PPP1R37: variants seen among roughly 807,000 people sequenced by gnomAD.
PPP1R37 encodes the protein leucine rich repeat containing 68.
In PPP1R37, 21 loss-of-function variants were observed where a neutral mutation model predicts 61.0. The observed-to-expected ratio is 0.34, with a 90% CI of 0.24 to 0.50. The LOEUF is 0.50. PPP1R37 is among the 20% of genes least tolerant of loss of function. The probability of loss-of-function intolerance (pLI) is 0.98; values close to 1 mark genes in which losing one functional copy is unlikely to be tolerated. For missense variants in PPP1R37, 910 were observed against 952.7 expected (o/e 0.96, Z 0.59); for synonymous variants, 443 against 433.5 (o/e 1.02, Z -0.27).
At chr19:45,112,996 T>G (rs1350648950) in intron 1 of PPP1R37, among the ~76,000 whole-genome samples, 3 of 152,192 alleles carry the variant, frequency 2.0e-5, no homozygotes, top group Non-Finnish European at 4.4e-5. Flanking sequence ...CAAGATTCCT[T>G]TACCTGTGCT....
intron 1 of PPP1R37, among the ~76,000 whole-genome samples, chr19:45,106,080 T>C (rs1443749685): frequency 6.6e-6 from 1 of 152,118 alleles, no homozygotes; most frequent in Non-Finnish European, 1.5e-5. Flanking sequence ...GCTTACTGCC[T>C]TCCAGTGCAG....
intron 2 of PPP1R37, 100 bp from the exon 3 acceptor site, chr19:45,140,136 C>T: frequency 9.1e-7 from 1 of 1,096,186 alleles, no homozygotes; most frequent in Non-Finnish European, 1.3e-6. Context: ...CAAACCCCAC[C>T]CCAGAACCCT....
Position 45,138,623 on chromosome 19 carries a change from ACAGGGTGGGT to A in PPP1R37, c.300+13_300+22del. 5 of 1,300,992 alleles carry A rather than the reference ACAGGGTGGGT, an allele frequency of 3.8e-6. No individual in the cohort carries two copies. The highest frequency in any genetic ancestry group is 5.3e-6 in the Non-Finnish European group (5 of 937,220). The allele number at this position is 1,300,992 out of a possible 1,614,324, so 80.6% of individuals were successfully genotyped here. ...TCAGGCAGCTGCAGGTATGGGCGGG[ACAGGGTGGGT>A]GCGTCCGGTGTGGGTGTCAAGGGGG... On this transcript the variant is annotated intron_variant, in intron 2 of 12. Transcript: ENST00000221462.
intron 1 of PPP1R37, among the ~76,000 whole-genome samples, chr19:45,124,346 A>C (rs928636342): frequency 6.6e-6 from 1 of 152,148 alleles, no homozygotes; most frequent in Non-Finnish European, 1.5e-5. Flanking sequence ...GGACGGGAAG[A>C]ATTTGGGTGT....
intron 1 of PPP1R37, among the ~76,000 whole-genome samples, chr19:45,115,601 T>C (rs1968256258): frequency 6.6e-6 from 1 of 152,194 alleles, no homozygotes; most frequent in African/African-American, 2.4e-5. Flanking sequence ...TAATAAACCC[T>C]ACCTATCTTA....
At chr19:45,109,920 C>T (rs1455222519) in intron 1 of PPP1R37, among the ~76,000 whole-genome samples, 3 of 152,148 alleles carry the variant, frequency 2.0e-5, no homozygotes, top group Non-Finnish European at 4.4e-5. Context: ...ACCGACTCTT[C>T]CCTCTGTCTG....
At chr19:45,127,886 A>G (rs1020794821) in intron 1 of PPP1R37, among the ~76,000 whole-genome samples, 1 of 151,534 alleles carries the variant, frequency 6.6e-6, no homozygotes, top group African/African-American at 2.4e-5. Flanking sequence ...GAGGCAGGAG[A>G]ATCCCTTGAA....
Position 45,140,549 on chromosome 19 carries a change from C to T in PPP1R37, c.390C>T (p.Val130=). 1.3e-6 allele frequency: 2 copies of T among 1,536,088 alleles called. No individual in the cohort carries two copies. Among genetic ancestry groups the T allele is most frequent in the South Asian group, 1.2e-5 (1 of 84,064 alleles). Reference sequence around the variant, plus strand: ...AGACCTGTGAGGCCCTGGAAGAGGTCTTCAAGAGGCTGCAGTTCAAGGTCG... The same window carrying T: ...AGACCTGTGAGGCCCTGGAAGAGGTTTTCAAGAGGCTGCAGTTCAAGGTCG... The part of the protein sequence containing the change: ...DYKTCEALEE[V]FKRLQFKVVD... Residue 130 remains valine (V), a synonymous_variant, in exon 4 of 13, where the codon GTC becomes GTT. Transcript: ENST00000221462.
chr19:45,102,504 C>T (rs1196620059), intron 1 of PPP1R37, among the ~76,000 whole-genome samples: 2 of 152,208 alleles, frequency 1.3e-5, no homozygotes, highest in Non-Finnish European at 2.9e-5. Context: ...CTGTTGCAGG[C>T]GCTCATGAGG....
chr19:45,124,744 T>C (rs1968380299), intron 1 of PPP1R37, among the ~76,000 whole-genome samples: 1 of 151,226 alleles, frequency 6.6e-6, no homozygotes, highest in Admixed American at 6.6e-5. Flanking sequence ...GAGGATCACC[T>C]GAGCCCAGGA....
chr19:45,141,048 A>G (rs1599711326), intron 4 of PPP1R37, among the ~76,000 whole-genome samples: 1 of 152,298 alleles, frequency 6.6e-6, no homozygotes, highest in East Asian at 1.9e-4. Context: ...ACTGAGGCCC[A>G]GGCTCAGGAA....
rs1374079026 is a variant in PPP1R37 at position 45,146,555 on chromosome 19, ATC to A, written c.*9-11_*9-10del. The A allele has an allele frequency of 1.8e-5, 19 of 1,084,074 alleles. No homozygotes were observed. The highest frequency in any genetic ancestry group is 2.4e-5 in the Non-Finnish European group (18 of 745,200). 67.2% of individuals were successfully genotyped at this position (1,084,074 alleles called of 1,614,324 possible). On this transcript the variant is annotated splice_polypyrimidine_tract_variant and intron_variant, in intron 12 of 12. Transcript: ENST00000221462. ...TCTGGCTCTGACAGTCTCTCCCCCA[ATC>A]TCTCCTCCCCAAGTTCCCTTTTTCC...
rs559590448 is a variant in PPP1R37 at position 45,142,262 on chromosome 19, C to T, written c.719-41C>T. On this transcript the variant is annotated intron_variant, in intron 6 of 12. Transcript: ENST00000221462. ...GCAGGATGTGCAGCCTGTTGGGGGG[C>T]AGGGGCCTGCCCAGTCACCGTGCCC... The T allele has an allele frequency of 1.4e-5, 22 of 1,534,056 alleles. No individual in the cohort carries two copies. In the Admixed American group the frequency reaches 4.1e-4, roughly 29 times the overall value.
chr19:45,105,319 A>G lies in PPP1R37; in HGVS notation c.202+11792A>G, dbSNP rs1319581086. 4.6e-5 allele frequency among the ~76,000 whole-genome samples: 7 copies of G among 152,222 alleles called. No individual in the cohort carries two copies. In the East Asian group the frequency reaches 1.4e-3, roughly 29 times the overall value. On this transcript the variant is annotated intron_variant, in intron 1 of 12. Coordinates refer to ENST00000221462, the MANE Select transcript of PPP1R37 (RefSeq NM_019121.2). ...TGAGAATGGCAGCGCAGGACTGGCA[A>G]ACAGGCCCGTCTTTGCTGTTGACTT...
intron 2 of PPP1R37, among the ~76,000 whole-genome samples, chr19:45,139,603 G>A (rs1416708852): frequency 6.6e-6 from 1 of 152,250 alleles, no homozygotes; most frequent in Non-Finnish European, 1.5e-5. Context: ...TTGTCCATCA[G>A]TGTTCACTGG....
rs777085234 is a variant in PPP1R37 at position 45,129,049 on chromosome 19, CAGT to C, written c.203-9464_203-9462del. ...GCAAAAGAACTGGCTCCCAGGGTGACAGTGGTGGCAGCAGTGATCTTCTGAGAC... is the reference window on the plus strand; with the variant it reads ...GCAAAAGAACTGGCTCCCAGGGTGACGGTGGCAGCAGTGATCTTCTGAGAC... On this transcript the variant is annotated intron_variant, in intron 1 of 12. Coordinates refer to ENST00000221462, the MANE Select transcript of PPP1R37 (RefSeq NM_019121.2). The C allele has an allele frequency of 2.2e-4, 163 of 744,578 alleles. No individual in the cohort carries two copies. The Admixed American group carries it at 2.9e-3, about 13-fold the overall frequency. The allele number at this position is 744,578 out of a possible 1,614,324, so 46.1% of individuals were successfully genotyped here.
intron 12 of PPP1R37, 21 bp downstream of exon 12, chr19:45,146,501 C>T: frequency 6.7e-7 from 1 of 1,498,830 alleles, no homozygotes; most frequent in Non-Finnish European, 9.0e-7. Flanking sequence ...GCCCGGGGCC[C>T]ACAGCACTCG....
rs1968245838 is a variant in PPP1R37 at position 45,114,925 on chromosome 19, CT to C, written c.202+21399del. On this transcript the variant is annotated intron_variant, in intron 1 of 12. Transcript: ENST00000221462. ...CTTATGGAGGCCATAAAGGAACCCC[CT>C]AACTCCCCCTACACATCCCAGCAGA... is the stretch of plus-strand genomic sequence containing the variant. 3.3e-5 allele frequency among the ~76,000 whole-genome samples: 5 copies of C among 152,294 alleles called. No homozygotes were observed. In the South Asian group the frequency reaches 1.0e-3, roughly 32 times the overall value.
intron 1 of PPP1R37, among the ~76,000 whole-genome samples, chr19:45,119,681 G>T (rs1283255874): frequency 6.6e-6 from 1 of 152,154 alleles, no homozygotes; most frequent in African/African-American, 2.4e-5. Context: ...CCCCAAGCCG[G>T]CACCCTCTGT....
Sources: allele counts gnomAD v4.1 joint callset (sites outside exome capture counted in the v4.1 genomes callset), GRCh38; gene constraint gnomAD v4.1.1; transcripts MANE v1.5; gene names NCBI Gene and HGNC (gene_info 2026-07-23, HGNC 2026-07-21).